SPOP: variants seen among roughly 807,000 people sequenced by gnomAD.
SPOP encodes the protein speckle type BTB/POZ protein.
Under a neutral mutation model 45.6 loss-of-function variants are expected in SPOP, and 11 were observed. The observed-to-expected ratio is 0.24, with a 90% confidence interval of 0.15 to 0.40. SPOP has a LOEUF of 0.40. Among genes scored for constraint, SPOP ranks in the 10% least tolerant of loss-of-function variants. SPOP has a pLI of 1.00. For synonymous variants in SPOP, 166 were observed against 166.3 expected (o/e 1.00, Z 0.01); for missense variants, 152 against 465.6 (o/e 0.33, Z 6.20).
intron 1 of SPOP, among the ~76,000 whole-genome samples, chr17:49,643,074 T>C (rs893011130): frequency 6.6e-6 from 1 of 152,232 alleles, no homozygotes; most frequent in Non-Finnish European, 1.5e-5. Flanking sequence ...TATTTGAAGG[T>C]CTTATTGGTT....
At chr17:49,611,522 A>AG in intron 5 of SPOP, 65 bp from the exon 6 acceptor site, 89 of 1,526,156 alleles carry the variant, frequency 5.8e-5, no homozygotes, top group Non-Finnish European at 7.5e-5. Flanking sequence ...CAGCAGATAG[A>AG]CGACTTTTAC....
intron 1 of SPOP, among the ~76,000 whole-genome samples, chr17:49,673,310 C>A (rs1264487463): frequency 6.6e-6 from 1 of 152,020 alleles, no homozygotes; most frequent in South Asian, 2.1e-4. Context: ...TCAAGACCAT[C>A]CTGGCTAACA....
At chr17:49,622,393 CTG>C in intron 2 of SPOP, 2 of 520,398 alleles carry the variant, frequency 3.8e-6, no homozygotes, top group South Asian at 3.7e-5. Context: ...AAATGGGTCT[CTG>C]TTATTAAAAT....
At chr17:49,625,201 C>A (rs919434275) in intron 1 of SPOP, among the ~76,000 whole-genome samples, 2 of 152,100 alleles carry the variant, frequency 1.3e-5, no homozygotes, top group African/African-American at 4.8e-5. Context: ...GTTTTCAATG[C>A]GGCACCATTA....
In SPOP at chr17:49,619,370, G is replaced by A. The variant is rs544086490; in HGVS notation, c.216C>T (p.Asn72=). 1.2e-4 allele frequency: 194 copies of A among 1,613,468 alleles called. 4 individuals carry two copies. The South Asian group carries it at 2.1e-3, about 18-fold the overall frequency. ...TGCTTTCTTCATCTAACCCTTTGGG[G>A]TTTACTCGCAAACACCTGTCCAAAA... The part of the protein sequence containing the change: ...NDKLKWCLRV[N]PKGLDEESKD... Residue 72 remains asparagine, a synonymous_variant, in exon 4 of 10, where the codon AAC becomes AAT. Transcript: ENST00000504102. This position sits in a 1 kb window ranked among gnomAD's most constrained non-coding sequence, Gnocchi z 4.9.
At chr17:49,647,597 CAGCCTCCCGAGT>C (rs1567794540) in intron 1 of SPOP, among the ~76,000 whole-genome samples, 1 of 152,110 alleles carries the variant, frequency 6.6e-6, no homozygotes, top group East Asian at 1.9e-4. Context: ...TCTCCTGCCT[CAGCCTCCCGAGT>C]AGCTGGGATT....
chr17:49,641,470 C>A (rs1199118369), intron 1 of SPOP, among the ~76,000 whole-genome samples: 1 of 150,730 alleles, frequency 6.6e-6, no homozygotes, highest in Non-Finnish European at 1.5e-5. Flanking sequence ...GTGTCTGGCA[C>A]ATGGAAGGCT....
intron 9 of SPOP, chr17:49,601,467 G>A (rs1464133044): frequency 6.4e-6 from 1 of 156,392 alleles, no homozygotes; most frequent in African/African-American, 2.4e-5. Context: ...AGCTACTGAT[G>A]ATCCCTTCTT....
intron 5 of SPOP, among the ~76,000 whole-genome samples, chr17:49,617,923 CA>C (rs907445153): frequency 5.4e-3 from 302 of 55,890 alleles, no homozygotes; most frequent in Middle Eastern, 0.045. Flanking sequence ...GACTCCGTCT[CA>C]AAAAAAAAAA....
chr17:49,663,135 C>T (rs562283968), intron 1 of SPOP, among the ~76,000 whole-genome samples: 1 of 152,234 alleles, frequency 6.6e-6, no homozygotes, highest in African/African-American at 2.4e-5. Flanking sequence ...AGGAACCAGG[C>T]GCACAGGAGG....
At chr17:49,675,171 T>G (rs1473586719) in intron 1 of SPOP, among the ~76,000 whole-genome samples, 1 of 152,194 alleles carries the variant, frequency 6.6e-6, no homozygotes, top group Non-Finnish European at 1.5e-5. Flanking sequence ...CAGACACCCA[T>G]GTACACAGAA....
Position 49,611,115 on chromosome 17 carries a change from T to G in SPOP, c.658+165A>C, listed in dbSNP as rs193234775. On this transcript the variant is annotated intron_variant, in intron 6 of 9. Transcript: ENST00000504102. ...CAGAAATGTCATTTTAGAGAGCAGC[T>G]TTTTTGGTTCTGAGCATTGTTACCG... Among the ~76,000 whole-genome samples the G allele has an allele frequency of 1.0e-3, 159 of 152,326 alleles. 2 individuals carry two copies. The highest frequency in any genetic ancestry group is 3.8e-3 in the African/African-American group (156 of 41,554).
intron 1 of SPOP, among the ~76,000 whole-genome samples, chr17:49,665,190 G>A (rs1399956939): frequency 6.6e-6 from 1 of 152,040 alleles, no homozygotes; most frequent in Non-Finnish European, 1.5e-5. Flanking sequence ...AAAGTTGAAT[G>A]GAAATTGTAG....
At chr17:49,678,140 C>T, upstream of SPOP, 1 of 395,238 alleles carries the variant, frequency 2.5e-6, no homozygotes, top group Non-Finnish European at 4.5e-6. Context: ...ACCGCCAGAC[C>T]CCACCCCGCG....
At chr17:49,650,224 A>C (rs914461497) in intron 1 of SPOP, among the ~76,000 whole-genome samples, 3 of 152,180 alleles carry the variant, frequency 2.0e-5, no homozygotes, top group Non-Finnish European at 2.9e-5. Flanking sequence ...AGAAAACAAC[A>C]ACTACTCATA....
intron 1 of SPOP, among the ~76,000 whole-genome samples, chr17:49,651,394 C>T (rs971747893): frequency 2.0e-5 from 3 of 152,156 alleles, no homozygotes; most frequent in African/African-American, 4.8e-5. Flanking sequence ...TACTCAATTC[C>T]ACTGCTCAGT....
At position 49,635,698 on chromosome 17, in the gene SPOP, G is replaced by C. The variant is rs145986817; in HGVS notation, c.-66-12822C>G. On this transcript the variant is annotated intron_variant, in intron 1 of 9. Coordinates refer to ENST00000504102, the MANE Select transcript of SPOP (RefSeq NM_001007228.2). ...TGCCCAGGCTGGAGTACAGTGGTGC[G>C]ATTTCAGCTCACTGCAACTTCTGCC... 7.5e-3 allele frequency among the ~76,000 whole-genome samples: 1,094 copies of C among 146,146 alleles called. 29 individuals carry two copies. Among genetic ancestry groups the C allele is most frequent in the Admixed American group, 0.052 (739 of 14,234 alleles).
At chr17:49,665,649 GACACACACACACACACACACACACAC>G (rs71352530) in intron 1 of SPOP, among the ~76,000 whole-genome samples, 4 of 126,722 alleles carry the variant, frequency 3.2e-5, no homozygotes, top group Non-Finnish European at 3.3e-5. Flanking sequence ...TATATATACA[GACACACACACACACACACACACACAC>G]ACACACACAC....
chr17:49,618,422 C>T (rs771886866), intron 5 of SPOP: 2 of 384,172 alleles, frequency 5.2e-6, no homozygotes, highest in Non-Finnish European at 1.0e-5. Context: ...ACTTTCCTAA[C>T]TGACTACAGA....
Sources: allele counts gnomAD v4.1 joint callset (sites outside exome capture counted in the v4.1 genomes callset), GRCh38; gene constraint gnomAD v4.1.1; non-coding constraint Gnocchi (gnomAD v3.1); transcripts MANE v1.5; gene names NCBI Gene and HGNC (gene_info 2026-07-23, HGNC 2026-07-21).